CYP51A1: variants seen among roughly 807,000 people sequenced by gnomAD.
The protein encoded by CYP51A1 is lanosterol 14-alpha demethylase.
A neutral mutation model predicts 53.5 loss-of-function variants in CYP51A1; 45 were observed. That is an observed-to-expected ratio of 0.84 (90% confidence interval 0.66 to 1.08). The LOEUF is 1.08. Ranked by LOEUF, CYP51A1 falls within the 50% of genes least tolerant of loss-of-function variation. CYP51A1 has a pLI of 0.00. For missense variants in CYP51A1, 462 were observed against 621.7 expected, an observed-to-expected ratio of 0.74 and a Z score of 2.73; for synonymous variants, 181 against 217.7, an observed-to-expected ratio of 0.83 and a Z score of 1.48.
At chr7:92,134,101 C>A in intron 1 of CYP51A1, 72 bp downstream of exon 1, 4 of 1,473,544 alleles carry the variant, frequency 2.7e-6, no homozygotes, top group Non-Finnish European at 3.7e-6. Flanking sequence ...GGCCACGGAG[C>A]CGCCCACGCC....
chr7:92,119,850 A>C (rs1182875361), intron 7 of CYP51A1, among the ~76,000 whole-genome samples: 2 of 152,172 alleles, frequency 1.3e-5, no homozygotes, highest in African/African-American at 2.4e-5. Context: ...AAACAGGTTC[A>C]AAGAACTATA....
Position 92,113,631 on chromosome 7 carries a change from G to A in CYP51A1, c.*34C>T, listed in dbSNP as rs1318667130. 1.9e-6 allele frequency: 3 copies of A among 1,594,232 alleles called. No individual in the cohort carries two copies. The highest frequency in any genetic ancestry group is 2.6e-6 in the Non-Finnish European group (3 of 1,166,108). The stretch of plus-strand genomic sequence containing the variant: ...TTCGAATGCCTTTGTGGCTTACAGT[G>A]ATAATCACATATATTCGTTCCTTGC... On this transcript the variant is annotated 3_prime_UTR_variant, in exon 10 of 10. Coordinates refer to ENST00000003100, the MANE Select transcript of CYP51A1 (RefSeq NM_000786.4).
Position 92,134,372 on chromosome 7 carries a change from G to T in CYP51A1, c.-8C>A, listed in dbSNP as rs1393631558. 6.4e-7 allele frequency: 1 copy of T among 1,568,202 alleles called. No individual in the cohort carries two copies. The highest frequency in any genetic ancestry group is 1.2e-5 in the South Asian group (1 of 86,466). On this transcript the variant is annotated 5_prime_UTR_variant, in exon 1 of 10. Transcript: ENST00000003100. Reference sequence around the variant, plus strand: ...CCCAGCCGCCGCCGCCATTCACTCCGTCGGAAACACTGAAGGCCGAGGTCG... The same window carrying T: ...CCCAGCCGCCGCCGCCATTCACTCCTTCGGAAACACTGAAGGCCGAGGTCG...
chr7:92,128,677 C>A lies in CYP51A1; in HGVS notation c.468+203G>T, dbSNP rs575315482. Among the ~76,000 whole-genome samples, 3 of 152,072 alleles carry A rather than the reference C, an allele frequency of 2.0e-5. No homozygotes were observed. In the South Asian group the frequency reaches 6.2e-4, roughly 32 times the overall value. On this transcript the variant is annotated intron_variant, in intron 3 of 9. Coordinates refer to ENST00000003100, the MANE Select transcript of CYP51A1 (RefSeq NM_000786.4). ...CTAATTTTTGTATTTTTAGTAGAGA[C>A]AGGGTTTCACCATGTTGGCCAGGCT...
At chr7:92,114,789 A>G (rs892080823) in intron 9 of CYP51A1, among the ~76,000 whole-genome samples, 5 of 152,238 alleles carry the variant, frequency 3.3e-5, no homozygotes, top group African/African-American at 9.6e-5. Context: ...AGATTGATAC[A>G]TTGGACTAAA....
At chr7:92,123,417 G>T in intron 6 of CYP51A1, 102 bp from the exon 7 acceptor site, 1 of 1,039,394 alleles carries the variant, frequency 9.6e-7, no homozygotes, top group Non-Finnish European at 1.4e-6. Context: ...TTCAGGTATA[G>T]TGGTCTCTTA....
intron 5 of CYP51A1, among the ~76,000 whole-genome samples, chr7:92,124,543 C>T (rs930962455): frequency 2.6e-5 from 4 of 152,154 alleles, no homozygotes; most frequent in Non-Finnish European, 5.9e-5. Context: ...GTCTGACTCC[C>T]AAGCCCCCTC....
chr7:92,132,541 G>C (rs1819944952), intron 1 of CYP51A1, among the ~76,000 whole-genome samples: 1 of 151,938 alleles, frequency 6.6e-6, no homozygotes, highest in Non-Finnish European at 1.5e-5. Flanking sequence ...TGGAATTCGT[G>C]TCCCCAGAGG....
At chr7:92,116,913 C>G in intron 9 of CYP51A1, 131 bp downstream of exon 9, 1 of 753,592 alleles carries the variant, frequency 1.3e-6, no homozygotes, top group Non-Finnish European at 2.0e-6. Flanking sequence ...GATTCTTCTC[C>G]TAAAAAAGTT....
At chr7:92,115,485 G>T (rs1314198310) in intron 9 of CYP51A1, among the ~76,000 whole-genome samples, 1 of 152,160 alleles carries the variant, frequency 6.6e-6, no homozygotes, top group Non-Finnish European at 1.5e-5. Context: ...GGGTTGCCAA[G>T]AGCCACCAGA....
In CYP51A1 at chr7:92,127,754, T is replaced by C; in HGVS notation, c.469-123A>G. The C allele has an allele frequency of 4.1e-6, 4 of 967,148 alleles. No individual in the cohort carries two copies. In the South Asian group the frequency reaches 6.2e-5, roughly 15 times the overall value. The allele number at this position is 967,148 out of a possible 1,614,324, so 59.9% of individuals were successfully genotyped here. ...AGTAATGGTTTTAACCCTTTGGGCATTTACATTTTAAGAGTCTAAATGAAT... is the reference window on the plus strand; with the variant it reads ...AGTAATGGTTTTAACCCTTTGGGCACTTACATTTTAAGAGTCTAAATGAAT... On this transcript the variant is annotated intron_variant, in intron 3 of 9. Transcript: ENST00000003100.
intron 1 of CYP51A1, among the ~76,000 whole-genome samples, chr7:92,132,158 T>C (rs764291383): frequency 1.3e-5 from 2 of 152,184 alleles, no homozygotes; most frequent in African/African-American, 4.8e-5. Flanking sequence ...GTCCAGAATA[T>C]GTCCAATTAT....
At chr7:92,132,233 C>T (rs905257278) in intron 1 of CYP51A1, among the ~76,000 whole-genome samples, 1 of 152,228 alleles carries the variant, frequency 6.6e-6, no homozygotes, top group African/African-American at 2.4e-5. Flanking sequence ...TCAAACTACA[C>T]TTGTCCCTTG....
rs1819621746 is a variant in CYP51A1, at chr7:92,118,458, C to A, written c.1182+62G>T. ...TACAGGTGTGAACCACCACACCCACCTATTTCTTCTTTTTGATAAAAACTG... is the reference window on the plus strand; with the variant it reads ...TACAGGTGTGAACCACCACACCCACATATTTCTTCTTTTTGATAAAAACTG... On this transcript the variant is annotated intron_variant, in intron 8 of 9. Coordinates refer to ENST00000003100, the MANE Select transcript of CYP51A1 (RefSeq NM_000786.4). The A allele has an allele frequency of 3.3e-6, 3 of 915,244 alleles. No individual in the cohort carries two copies. In the Admixed American group the frequency reaches 5.1e-5, roughly 16 times the overall value. The allele number at this position is 915,244 out of a possible 1,614,324, so 56.7% of individuals were successfully genotyped here.
Position 92,126,139 on chromosome 7 carries a change from C to T in CYP51A1, c.770+114G>A, listed in dbSNP as rs114997595. The stretch of plus-strand genomic sequence containing the variant: ...GAAGAAAGGGGATTCATAATCTTAC[C>T]CATTTTGTATGTTTTACTTGTTTAA... On this transcript the variant is annotated intron_variant, in intron 5 of 9. Coordinates refer to ENST00000003100, the MANE Select transcript of CYP51A1 (RefSeq NM_000786.4). The T allele has an allele frequency of 1.4e-3, 958 of 664,640 alleles. 7 individuals carry two copies. The African/African-American group carries it at 0.016, about 11-fold the overall frequency. The allele number at this position is 664,640 out of a possible 1,614,324, so 41.2% of individuals were successfully genotyped here. A position where few individuals can be genotyped will look rare whatever the true frequency, so the allele number is the denominator to read the frequency against.
In CYP51A1 at chr7:92,123,223, C is replaced by G; in HGVS notation, c.983G>C (p.Trp328Ser). The change falls in exon 7 of 10, where the codon TGG becomes TCG. Residue 328 changes from tryptophan to serine, a missense_variant. Trp to Ser is a radical substitution (Grantham distance 177). Coordinates refer to ENST00000003100, the MANE Select transcript of CYP51A1 (RefSeq NM_000786.4). Reference protein sequence around the residue: ...GQHTSSTTSAWMGFFLARDKT... With the variant: ...GQHTSSTTSASMGFFLARDKT... Reference sequence around the variant, plus strand: ...GTCTCTGGCCAAAAAGAAGCCCATCCAAGCACTAGTAGTTGAGGATGTATG... The same window carrying G: ...GTCTCTGGCCAAAAAGAAGCCCATCGAAGCACTAGTAGTTGAGGATGTATG... 6.2e-7 allele frequency: 1 copy of G among 1,613,970 alleles called. No homozygotes were observed. The highest frequency in any genetic ancestry group is 1.1e-5 in the South Asian group (1 of 91,080).
rs1819775422 is a variant in CYP51A1 at position 92,125,183 on chromosome 7, G to A, written c.770+1070C>T. ...AAAAAAAGAAATGCACATTTATGGA[G>A]AACCCACTATGAGTCCAGGGCTGTG... On this transcript the variant is annotated intron_variant, in intron 5 of 9. Transcript: ENST00000003100. 2.0e-5 allele frequency among the ~76,000 whole-genome samples: 3 copies of A among 150,106 alleles called. No homozygotes were observed. In the South Asian group the frequency reaches 6.4e-4, roughly 32 times the overall value.
intron 9 of CYP51A1, 71 bp downstream of exon 9, chr7:92,116,973 T>A (rs2130942324): frequency 6.9e-7 from 1 of 1,441,442 alleles, no homozygotes; most frequent in Non-Finnish European, 9.3e-7. Flanking sequence ...TAAACACAAT[T>A]CGGAATATTT....
At position 92,126,272 on chromosome 7, in the gene CYP51A1, G is replaced by A. The variant is rs777525536; in HGVS notation, c.751C>T (p.Leu251=). 1.1e-5 allele frequency: 18 copies of A among 1,602,578 alleles called. No homozygotes were observed. Among genetic ancestry groups the A allele is most frequent in the Non-Finnish European group, 1.5e-5 (18 of 1,177,128 alleles). Residue 251 remains leucine, a synonymous_variant, in exon 5 of 10, where the codon CTG becomes TTG. Coordinates refer to ENST00000003100, the MANE Select transcript of CYP51A1 (RefSeq NM_000786.4). ...CCATACCTGAAACTAGGCAAAGGCA[G>A]CCAACCTGGTAAGAGCCAGGCTGCA... ...SHAAWLLPGW[L]PLPSFRRRDR...
Sources: allele counts gnomAD v4.1 joint callset (sites outside exome capture counted in the v4.1 genomes callset), GRCh38; gene constraint gnomAD v4.1.1; transcripts MANE v1.5; gene names NCBI Gene and HGNC (gene_info 2026-07-23, HGNC 2026-07-21).